Variants in ZNF25 observed in about 807,000 individuals in gnomAD.
The protein encoded by ZNF25 is zinc finger protein 25.
Under a neutral mutation model 30.9 loss-of-function variants are expected in ZNF25, and 21 were observed. That is an observed-to-expected ratio of 0.68 (90% CI 0.48 to 0.98). ZNF25 has a LOEUF of 0.98. ZNF25 is among the 50% of genes least tolerant of loss of function. The pLI, the probability that ZNF25 is intolerant of heterozygous loss-of-function variation, is 0.00. For synonymous variants in ZNF25, 169 were observed against 181.3 expected (o/e 0.93, Z 0.55); for missense variants, 501 against 529.9 (o/e 0.95, Z 0.54).
chr10:37,966,623 T>A (rs1036264098), intron 2 of ZNF25, among the ~76,000 whole-genome samples: 1 of 152,078 alleles, frequency 6.6e-6, no homozygotes, highest in East Asian at 1.9e-4. Flanking sequence ...TACACACTTT[T>A]ACCCAGATCT....
Position 37,971,797 on chromosome 10 carries a change from C to G in ZNF25, c.-75G>C, listed in dbSNP as rs2063507465. On this transcript the variant is annotated 5_prime_UTR_variant, in exon 2 of 6. Transcript: ENST00000302609. Reference sequence around the variant, plus strand: ...TCATAAGGGACCTTAGCTGGCAGCCCCAGGAATCACCTGTGAGAAATTTCC... The same window carrying G: ...TCATAAGGGACCTTAGCTGGCAGCCGCAGGAATCACCTGTGAGAAATTTCC... The G allele has an allele frequency of 6.3e-7, 1 of 1,599,210 alleles. No individual in the cohort carries two copies. Among genetic ancestry groups the G allele is most frequent in the Non-Finnish European group, 8.6e-7 (1 of 1,166,878 alleles).
At chr10:37,963,993 T>C (rs188101020) in intron 2 of ZNF25, among the ~76,000 whole-genome samples, 43 of 151,906 alleles carry the variant, frequency 2.8e-4, no homozygotes, top group African/African-American at 9.7e-4. Flanking sequence ...AATAAGCAAA[T>C]AAATAAAGAG....
chr10:37,967,421 CTTTT>C (rs34878046), intron 2 of ZNF25, among the ~76,000 whole-genome samples: 1 of 145,028 alleles, frequency 6.9e-6, no homozygotes, highest in African/African-American at 2.5e-5. Flanking sequence ...TGATTTTCTT[CTTTT>C]TTTTTTTTTT....
intron 5 of ZNF25, 95 bp from the exon 6 acceptor site, chr10:37,953,290 G>T: frequency 8.5e-7 from 1 of 1,170,508 alleles, no homozygotes. Context: ...TACCTCTGAG[G>T]ACCGATTTCT....
At chr10:37,959,554 G>A (rs1318595652) in intron 2 of ZNF25, among the ~76,000 whole-genome samples, 1 of 152,028 alleles carries the variant, frequency 6.6e-6, no homozygotes, top group Non-Finnish European at 1.5e-5. Flanking sequence ...AAATCTGAAA[G>A]GCAGTATTTT....
At chr10:37,954,022 CA>C (rs1395066509) in intron 4 of ZNF25, among the ~76,000 whole-genome samples, 4 of 151,916 alleles carry the variant, frequency 2.6e-5, no homozygotes, top group Admixed American at 6.6e-5. Context: ...AAGTTAAAGA[CA>C]AAAAAAGAAC....
chr10:37,969,835 T>C (rs563804206), intron 2 of ZNF25, among the ~76,000 whole-genome samples: 11 of 152,348 alleles, frequency 7.2e-5, no homozygotes, highest in African/African-American at 2.2e-4. Context: ...AATGGTTTCA[T>C]TGGTGAATTC....
At position 37,976,231 on chromosome 10, in the gene ZNF25, G is replaced by A. The variant is rs368280992; in HGVS notation, c.-86+275C>T. On this transcript the variant is annotated intron_variant, in intron 1 of 5. Coordinates refer to ENST00000302609, the MANE Select transcript of ZNF25 (RefSeq NM_145011.4). ...GCTTTGGAGCGCCGCGTCTGCAGCG[G>A]CCAGCGCGCCTCACATGGCGGCTCC... Among the ~76,000 whole-genome samples, 52 of 152,334 alleles carry A rather than the reference G, an allele frequency of 3.4e-4. No homozygotes were observed. The East Asian group carries it at 9.7e-3, about 28-fold the overall frequency.
intron 2 of ZNF25, among the ~76,000 whole-genome samples, chr10:37,960,054 ATAGAT>A (rs1388024147): frequency 6.6e-6 from 1 of 152,154 alleles, no homozygotes; most frequent in African/African-American, 2.4e-5. Flanking sequence ...AGCTGGGACT[ATAGAT>A]GCCCGCCACC....
chr10:37,973,550 CAG>C (rs2063615940), intron 1 of ZNF25, among the ~76,000 whole-genome samples: 2 of 140,346 alleles, frequency 1.4e-5, no homozygotes, highest in Non-Finnish European at 3.0e-5. Context: ...CCCTGGGAGA[CAG>C]AGGTTGCAGT....
intron 1 of ZNF25, among the ~76,000 whole-genome samples, chr10:37,973,550 C>T (rs2135458356): frequency 7.1e-6 from 1 of 140,426 alleles, no homozygotes; most frequent in Non-Finnish European, 1.5e-5. Context: ...CCCTGGGAGA[C>T]AGAGGTTGCA....
chr10:37,965,250 A>C (rs950842129), intron 2 of ZNF25, among the ~76,000 whole-genome samples: 1 of 151,942 alleles, frequency 6.6e-6, no homozygotes, highest in African/African-American at 2.4e-5. Context: ...TGTTGAGGGG[A>C]AATGTGGGGT....
At position 37,954,034 on chromosome 10, in the gene ZNF25, C is replaced by T. The variant is rs567617803; in HGVS notation, c.239-276G>A. On this transcript the variant is annotated intron_variant, in intron 4 of 5. Coordinates refer to ENST00000302609, the MANE Select transcript of ZNF25 (RefSeq NM_145011.4). ...TGAAAGTTAAAGACAAAAAAAGAAC[C>T]GGGAGAGGAGAACATAGGACATTCG... 9.5e-4 allele frequency among the ~76,000 whole-genome samples: 144 copies of T among 152,148 alleles called. No homozygotes were observed. Among genetic ancestry groups the T allele is most frequent in the Non-Finnish European group, 1.5e-3 (100 of 67,990 alleles).
intron 4 of ZNF25, among the ~76,000 whole-genome samples, chr10:37,954,458 G>C (rs978155164): frequency 3.3e-5 from 5 of 152,086 alleles, no homozygotes; most frequent in African/African-American, 1.2e-4. Flanking sequence ...CAAAAGGAAG[G>C]ATTTTCTTAA....
Position 37,957,437 on chromosome 10 carries a change from C to A in ZNF25, c.125G>T (p.Ser42Ile). ...TTCCTCACCCACTGAGACAAGGTGA[C>A]TATAGTTTTCCAGCATCACATCCTT... ...LYKDVMLENY[S>I]HLVSVGYHVN... The change falls in exon 3 of 6, where the codon AGT (serine) becomes ATT (isoleucine). Residue 42 changes from serine to isoleucine, a missense_variant. Ser to Ile is a moderately radical substitution (Grantham distance 142). Transcript: ENST00000302609. 1 of 1,613,470 alleles carries A rather than the reference C, an allele frequency of 6.2e-7. No homozygotes were observed. The highest frequency in any genetic ancestry group is 1.1e-5 in the South Asian group (1 of 90,928).
chr10:37,960,339 G>A (rs996540129), intron 2 of ZNF25, among the ~76,000 whole-genome samples: 3 of 151,916 alleles, frequency 2.0e-5, no homozygotes, highest in African/African-American at 7.3e-5. Flanking sequence ...TGGGGGCCGG[G>A]TGTGGTGGCT....
rs982844669 is a variant in ZNF25, at chr10:37,953,698, G to C, written c.299C>G (p.Ser100Ter). The change falls in exon 5 of 6, where the codon TCA becomes TGA. Residue 100 changes from serine (S) to a stop codon, truncating the protein, a stop_gained. Transcript: ENST00000302609. LOFTEE classifies it low-confidence loss of function (END_TRUNC). Reference protein sequence around the residue: ...ARYQESQAGNSRNGELTKHQK... With the variant: ...ARYQESQAGN ...AAACATTAATTCTTGAACTTGCCTT[G>C]AATTTCCAGCTTGGCTTTCCTGGTA... 1 of 1,613,658 alleles carries C rather than the reference G, an allele frequency of 6.2e-7. No homozygotes were observed. The highest frequency in any genetic ancestry group is 1.3e-5 in the African/African-American group (1 of 74,898).
At chr10:37,973,150 A>G (rs1405412011) in intron 1 of ZNF25, among the ~76,000 whole-genome samples, 5 of 151,870 alleles carry the variant, frequency 3.3e-5, no homozygotes, top group African/African-American at 1.2e-4. Context: ...CCTAGGCAAC[A>G]AGAGCAAAAC....
chr10:37,971,308 T>TC, intron 2 of ZNF25, among the ~76,000 whole-genome samples: 1 of 107,186 alleles, frequency 9.3e-6, no homozygotes, highest in Middle Eastern at 4.6e-3. Flanking sequence ...AGAGCGAGAC[T>TC]CCATCTCAAA....
Sources: gnomAD v4.1 joint callset for allele counts (sites outside exome capture counted in the v4.1 genomes callset) on GRCh38, gnomAD v4.1.1 for gene constraint, MANE v1.5 for transcripts, NCBI Gene and HGNC (gene_info 2026-07-23, HGNC 2026-07-21) for gene names.